EDARADD: variants seen among roughly 807,000 people sequenced by gnomAD.
EDARADD encodes the protein ectodysplasin-A receptor-associated adapter protein.
A neutral mutation model predicts 25.6 loss-of-function variants in EDARADD; 20 were observed. That is an observed-to-expected ratio of 0.78 (90% CI 0.55 to 1.14). The LOEUF (loss-of-function observed/expected upper bound fraction) is 1.14. Ranked by LOEUF, EDARADD falls within the 50% of genes most tolerant of loss-of-function variation. EDARADD has a pLI of 0.00. For synonymous variants in EDARADD, 86 were observed against 94.4 expected, an observed-to-expected ratio of 0.91 and a Z score of 0.52; for missense variants, 225 against 270.1, an observed-to-expected ratio of 0.83 and a Z score of 1.17.
chr1:236,365,377 T>C (rs1667102587), intron 3 of EDARADD, among the ~76,000 whole-genome samples: 1 of 152,152 alleles, frequency 6.6e-6, no homozygotes, highest in South Asian at 2.1e-4. Flanking sequence ...CCCAGGATGA[T>C]CTCAAACTCC....
At chr1:236,427,728 T>C (rs1281727825) in intron 4 of EDARADD, among the ~76,000 whole-genome samples, 2 of 152,158 alleles carry the variant, frequency 1.3e-5, no homozygotes, top group Admixed American at 6.5e-5. Flanking sequence ...GAGAGTTGTT[T>C]TCTTTCTAAT....
At chr1:236,364,392 G>A (rs1033634051) in intron 3 of EDARADD, among the ~76,000 whole-genome samples, 6 of 151,956 alleles carry the variant, frequency 3.9e-5, no homozygotes, top group Non-Finnish European at 5.9e-5. Context: ...ACTCTGCATT[G>A]CCACCCCACT....
chr1:236,361,955 C>T (rs1000037544), intron 3 of EDARADD, among the ~76,000 whole-genome samples: 5 of 151,834 alleles, frequency 3.3e-5, no homozygotes, highest in African/African-American at 9.7e-5. Flanking sequence ...GTATGGTAGA[C>T]GTATGTTTAA....
At chr1:236,396,156 T>A (rs1667511958) in intron 1 of EDARADD, among the ~76,000 whole-genome samples, 2 of 152,306 alleles carry the variant, frequency 1.3e-5, no homozygotes, top group South Asian at 2.1e-4. Context: ...TTTCATCAGA[T>A]AGTATCCGCA....
upstream of EDARADD, among the ~76,000 whole-genome samples, chr1:236,389,812 G>A (rs1365234868): frequency 6.6e-6 from 1 of 152,086 alleles, no homozygotes; most frequent in East Asian, 1.9e-4. Flanking sequence ...GACCTGCCTA[G>A]GTAATGTAGT....
At chr1:236,459,679 C>T (rs1439254388) in intron 4 of EDARADD, among the ~76,000 whole-genome samples, 1 of 134,986 alleles carries the variant, frequency 7.4e-6, no homozygotes, top group Admixed American at 8.6e-5. Flanking sequence ...ATGGTGCCAT[C>T]TCGGCTCACT....
chr1:236,411,901 T>C (rs1332837701), intron 2 of EDARADD, among the ~76,000 whole-genome samples: 1 of 152,160 alleles, frequency 6.6e-6, no homozygotes, highest in Non-Finnish European at 1.5e-5. Context: ...GGGCCTACCC[T>C]CCTCATAACT....
chr1:236,460,888 T>A (rs1659020583), intron 4 of EDARADD, among the ~76,000 whole-genome samples: 1 of 152,102 alleles, frequency 6.6e-6, no homozygotes, highest in South Asian at 2.1e-4. Flanking sequence ...ACTGGCGCGA[T>A]CTTGGCTCAC....
At chr1:236,461,576 T>C (rs1008340361) in intron 4 of EDARADD, among the ~76,000 whole-genome samples, 10 of 152,322 alleles carry the variant, frequency 6.6e-5, no homozygotes, top group Middle Eastern at 3.4e-3. Flanking sequence ...AAGCAGGTAA[T>C]GTGATTCCAA....
At chr1:236,480,352 A>C (rs1208158834) in intron 5 of EDARADD, among the ~76,000 whole-genome samples, 2 of 151,956 alleles carry the variant, frequency 1.3e-5, no homozygotes, top group African/African-American at 4.8e-5. Flanking sequence ...GAAACTTAAT[A>C]ATGTAAATAA....
chr1:236,427,780 A>G (rs751491378), intron 4 of EDARADD, among the ~76,000 whole-genome samples: 1 of 152,154 alleles, frequency 6.6e-6, no homozygotes, highest in Non-Finnish European at 1.5e-5. Context: ...TTAAGGCACA[A>G]CAAAACTAGA....
intron 3 of EDARADD, among the ~76,000 whole-genome samples, chr1:236,422,851 C>T (rs78332015): frequency 0.015 from 2,298 of 152,248 alleles, 57 homozygotes; most frequent in African/African-American, 0.052. Context: ...GGTAACCATG[C>T]GGAGCTTCCA....
At chr1:236,469,603 G>A (rs986367930) in intron 5 of EDARADD, among the ~76,000 whole-genome samples, 1 of 152,094 alleles carries the variant, frequency 6.6e-6, no homozygotes, top group African/African-American at 2.4e-5. Flanking sequence ...CTTAAGCAGG[G>A]TGGGGAACCC....
intron 5 of EDARADD, among the ~76,000 whole-genome samples, chr1:236,472,531 CTGTT>C (rs1463355827): frequency 3.3e-5 from 5 of 152,208 alleles, no homozygotes; most frequent in African/African-American, 7.2e-5. Context: ...TTTTAAAAGA[CTGTT>C]TGCTTGTTTT....
At chr1:236,362,157 C>T (rs1239604002) in intron 3 of EDARADD, among the ~76,000 whole-genome samples, 1 of 152,100 alleles carries the variant, frequency 6.6e-6, no homozygotes, top group Non-Finnish European at 1.5e-5. Context: ...TTCACTGTAA[C>T]CTCAAACTCC....
intron 1 of EDARADD, among the ~76,000 whole-genome samples, chr1:236,405,911 TTCTTTCTTTCTTTC>T (rs200519814): frequency 0.091 from 5,498 of 60,598 alleles, 416 homozygotes; most frequent in Non-Finnish European, 0.13. Context: ...CTTTCTTTCT[TTCTTTCTTTCTTTC>T]TCTTTCCTTT....
At chr1:236,430,076 A>G (rs1402693352) in intron 4 of EDARADD, among the ~76,000 whole-genome samples, 5 of 152,244 alleles carry the variant, frequency 3.3e-5, no homozygotes, top group Non-Finnish European at 7.3e-5. Context: ...AAGTTACACA[A>G]TAGTTGATAA....
At chr1:236,429,276 G>C (rs953863387) in intron 4 of EDARADD, among the ~76,000 whole-genome samples, 1 of 148,902 alleles carries the variant, frequency 6.7e-6, no homozygotes, top group African/African-American at 2.5e-5. Context: ...GTGCGATCTC[G>C]GCTCACTGTA....
rs964083556 is a variant in EDARADD at position 236,372,614 on chromosome 1, C to T, written c.-6+21775C>T. Among the ~76,000 whole-genome samples, 3 of 152,170 alleles carry T rather than the reference C, an allele frequency of 2.0e-5. No individual in the cohort carries two copies. The South Asian group carries it at 6.2e-4, about 32-fold the overall frequency. ...GTTAGGTTCCCTCCACTGCTATCTTCTGGAAGAGAGAATTGGTATAATTTT... is the reference window on the plus strand; with the variant it reads ...GTTAGGTTCCCTCCACTGCTATCTTTTGGAAGAGAGAATTGGTATAATTTT... On this transcript the variant is annotated intron_variant, in intron 3 of 7. Coordinates refer to the EDARADD transcript ENST00000439430.
Sources: gnomAD v4.1 joint callset for allele counts (sites outside exome capture counted in the v4.1 genomes callset) on GRCh38, gnomAD v4.1.1 for gene constraint, MANE v1.5 for transcripts, NCBI Gene and HGNC (gene_info 2026-07-23, HGNC 2026-07-21) for gene names.